The following CMIP variants were observed in gnomAD, a reference collection of about 807,000 sequenced individuals.
CMIP encodes C-Maf-inducing protein.
In CMIP, 13 loss-of-function variants were observed where a neutral mutation model predicts 97.3. The ratio of observed to expected loss-of-function variants is 0.13; its 90% CI spans 0.09 to 0.21. The LOEUF is 0.21. Ranked by LOEUF, CMIP falls within the 10% of genes least tolerant of loss-of-function variation. The pLI is 1.00. For synonymous variants in CMIP, 538 were observed against 436.3 expected (o/e 1.23, Z -2.91); for missense variants, 847 against 1,024.9 (o/e 0.83, Z 2.37).
intron 1 of CMIP, among the ~76,000 whole-genome samples, chr16:81,456,996 A>G (rs1906589455): frequency 1.3e-5 from 2 of 152,024 alleles, no homozygotes; most frequent in Admixed American, 1.3e-4. Flanking sequence ...CTCGCCTGAG[A>G]CCACCTGACC....
intron 1 of CMIP, among the ~76,000 whole-genome samples, chr16:81,581,838 T>C (rs894093111): frequency 1.3e-5 from 2 of 152,186 alleles, no homozygotes; most frequent in Non-Finnish European, 2.9e-5. Context: ...TAGTCCCTGC[T>C]CTTTTCCTTC....
intron 7 of CMIP, among the ~76,000 whole-genome samples, chr16:81,668,061 C>G (rs1379440478): frequency 2.6e-5 from 4 of 152,248 alleles, no homozygotes; most frequent in Middle Eastern, 6.8e-3. Flanking sequence ...GGGTTCCACT[C>G]AGAGCTTTCA....
At position 81,711,552 on chromosome 16, in the gene CMIP, C is replaced by A. The variant is rs1436527071; in HGVS notation, c.*1753C>A. Reference sequence around the variant, plus strand: ...TCCCATACTTCACAGCACTCTGGTGCGGGAAGAAGCAGAAGCAAAAAAAAT... The same window carrying A: ...TCCCATACTTCACAGCACTCTGGTGAGGGAAGAAGCAGAAGCAAAAAAAAT... On this transcript the variant is annotated 3_prime_UTR_variant, in exon 21 of 21. Coordinates refer to ENST00000537098, the MANE Select transcript of CMIP (RefSeq NM_198390.3). The A allele has an allele frequency of 1.4e-5, 2 of 139,428 alleles. No homozygotes were observed. Among genetic ancestry groups the A allele is most frequent in the Non-Finnish European group, 3.0e-5 (2 of 66,296 alleles). 8.6% of individuals were successfully genotyped at this position (139,428 alleles called of 1,614,324 possible).
At chr16:81,623,366 G>A (rs534238704) in intron 3 of CMIP, among the ~76,000 whole-genome samples, 2 of 152,302 alleles carry the variant, frequency 1.3e-5, no homozygotes, top group East Asian at 3.9e-4. Flanking sequence ...ATTTAATCAA[G>A]CAGTTTAAAA....
At chr16:81,607,847 A>G (rs7203914) in intron 2 of CMIP, among the ~76,000 whole-genome samples, 155 bp downstream of exon 2, 93,437 of 152,148 alleles carry the variant, frequency 0.61, 29,152 homozygotes, top group East Asian at 0.8. Flanking sequence ...GCTGTAAACC[A>G]GGTCTGACTG....
chr16:81,568,397 G>A (rs1057419910), intron 1 of CMIP, among the ~76,000 whole-genome samples: 2 of 152,120 alleles, frequency 1.3e-5, no homozygotes, highest in African/African-American at 2.4e-5. Context: ...CCCATGTGAG[G>A]GACAGATCAG....
chr16:81,447,106 C>T (rs1040697291), intron 1 of CMIP, among the ~76,000 whole-genome samples: 9 of 152,288 alleles, frequency 5.9e-5, no homozygotes, highest in African/African-American at 1.4e-4. Context: ...AGAGAGCCTC[C>T]GAAAATTTGC....
At chr16:81,538,249 G>A (rs759587673) in intron 1 of CMIP, among the ~76,000 whole-genome samples, 3 of 152,226 alleles carry the variant, frequency 2.0e-5, no homozygotes, top group Non-Finnish European at 4.4e-5. Flanking sequence ...CCATAAGCAT[G>A]GGCTGCCTGC....
chr16:81,612,336 A>G (rs1224034426), intron 2 of CMIP, among the ~76,000 whole-genome samples: 2 of 152,066 alleles, frequency 1.3e-5, no homozygotes, highest in East Asian at 3.9e-4. Context: ...TCTTTCGGGG[A>G]TGGGTTCCGG....
At chr16:81,478,376 T>C (rs1460636861) in intron 1 of CMIP, among the ~76,000 whole-genome samples, 4 of 152,120 alleles carry the variant, frequency 2.6e-5, no homozygotes, top group Non-Finnish European at 5.9e-5. Flanking sequence ...GAAGGGGTTG[T>C]AGGGCCGAGA....
intron 1 of CMIP, among the ~76,000 whole-genome samples, chr16:81,515,624 A>G (rs1597493999): frequency 2.0e-5 from 3 of 152,284 alleles, no homozygotes; most frequent in Admixed American, 2.0e-4. Flanking sequence ...ATGAAGCATC[A>G]CCGGCTTTAT....
intron 1 of CMIP, among the ~76,000 whole-genome samples, chr16:81,480,167 G>T (rs1908172273): frequency 2.0e-5 from 3 of 152,208 alleles, no homozygotes; most frequent in Non-Finnish European, 4.4e-5. Context: ...CTTTGGGGTA[G>T]GTAATATTAT....
chr16:81,548,665 A>T (rs2090595700), intron 1 of CMIP, among the ~76,000 whole-genome samples: 1 of 148,712 alleles, frequency 6.7e-6, no homozygotes, highest in African/African-American at 2.5e-5. Flanking sequence ...ACATAGGGAG[A>T]CCATGCCTCT....
At chr16:81,657,943 C>G (rs931094881) in intron 5 of CMIP, 127 bp downstream of exon 5, 4 of 747,486 alleles carry the variant, frequency 5.4e-6, no homozygotes, top group Non-Finnish European at 8.6e-6. Context: ...TCCGTTTTGT[C>G]TTTTCTAGCA....
chr16:81,524,545 G>C (rs1464259407), intron 1 of CMIP, among the ~76,000 whole-genome samples: 1 of 152,218 alleles, frequency 6.6e-6, no homozygotes, highest in African/African-American at 2.4e-5. Flanking sequence ...CGCCAAGCCA[G>C]GCACGTCATC....
rs117073775 is a variant in CMIP, at chr16:81,491,923, C to T, written c.300+46382C>T. On this transcript the variant is annotated intron_variant, in intron 1 of 20. Transcript: ENST00000537098. ...AGATGACGTTTTACCTAGTCTTCGC[C>T]GTGATGGAAGCTTTTTAGTGGCCAC... 5.3e-3 allele frequency among the ~76,000 whole-genome samples: 813 copies of T among 152,280 alleles called. 6 individuals carry two copies. The highest frequency in any genetic ancestry group is 9.0e-3 in the Non-Finnish European group (609 of 68,024).
chr16:81,571,509 T>G (rs2091086967), intron 1 of CMIP, among the ~76,000 whole-genome samples: 1 of 138,636 alleles, frequency 7.2e-6, no homozygotes, highest in Non-Finnish European at 1.5e-5. Flanking sequence ...ATCTGTAATC[T>G]CAGCATTTTG....
At chr16:81,571,746 G>A (rs1296211674) in intron 1 of CMIP, among the ~76,000 whole-genome samples, 1 of 152,214 alleles carries the variant, frequency 6.6e-6, no homozygotes, top group African/African-American at 2.4e-5. Context: ...CACCTTGCGT[G>A]TGTCCCATTC....
intron 3 of CMIP, among the ~76,000 whole-genome samples, chr16:81,638,824 G>A (rs2092268788): frequency 6.6e-6 from 1 of 152,108 alleles, no homozygotes; most frequent in African/African-American, 2.4e-5. Flanking sequence ...AGGAGGACAG[G>A]AGGGGCGGGC....
Sources: gnomAD v4.1 joint callset for allele counts (sites outside exome capture counted in the v4.1 genomes callset) on GRCh38, gnomAD v4.1.1 for gene constraint, MANE v1.5 for transcripts, NCBI Gene and HGNC (gene_info 2026-07-23, HGNC 2026-07-21) for gene names.